The following ARHGAP44 variants were observed in gnomAD, a reference collection of about 807,000 sequenced individuals.
ARHGAP44 encodes rho GTPase-activating protein 44.
ARHGAP44 carries 43 observed loss-of-function variants against 106.8 expected under a neutral mutation model. The observed-to-expected ratio is 0.40, with a 90% CI of 0.32 to 0.52. The LOEUF is 0.52. Among genes scored for constraint, ARHGAP44 ranks in the 20% least tolerant of loss-of-function variants. The pLI is 0.48. For synonymous variants in ARHGAP44, 439 were observed against 410.3 expected (o/e 1.07, Z -0.85); for missense variants, 866 against 1,050.5 (o/e 0.82, Z 2.43).
chr17:12,792,416 C>T (rs2033792305), intron 1 of ARHGAP44, among the ~76,000 whole-genome samples: 1 of 151,490 alleles, frequency 6.6e-6, no homozygotes, highest in Non-Finnish European at 1.5e-5. Flanking sequence ...GCCGTTTAGA[C>T]TACTGACTCT....
intron 16 of ARHGAP44, among the ~76,000 whole-genome samples, chr17:12,968,936 A>C (rs1227711199): frequency 6.6e-6 from 1 of 151,738 alleles, no homozygotes; most frequent in Admixed American, 6.6e-5. Flanking sequence ...CGCCCGGCTA[A>C]TTGTTTGTAT....
At chr17:12,916,573 C>T (rs371042860) in intron 5 of ARHGAP44, among the ~76,000 whole-genome samples, 15 of 152,080 alleles carry the variant, frequency 9.9e-5, no homozygotes, top group Admixed American at 3.3e-4. Context: ...TTAGTAGAGA[C>T]GGGGTTTCAC....
chr17:12,879,347 A>AT (rs2036649531), intron 1 of ARHGAP44, among the ~76,000 whole-genome samples: 1 of 152,042 alleles, frequency 6.6e-6, no homozygotes, highest in South Asian at 2.1e-4. Context: ...TGTATATCAC[A>AT]TTTTCTTTAT....
At chr17:12,850,960 G>A (rs1454310022) in intron 1 of ARHGAP44, among the ~76,000 whole-genome samples, 1 of 152,186 alleles carries the variant, frequency 6.6e-6, no homozygotes, top group Non-Finnish European at 1.5e-5. Flanking sequence ...TACTTCCCAC[G>A]TTGACTTTGA....
intron 1 of ARHGAP44, among the ~76,000 whole-genome samples, chr17:12,836,356 A>G (rs1354669157): frequency 6.6e-6 from 1 of 152,314 alleles, no homozygotes; most frequent in Non-Finnish European, 1.5e-5. Context: ...ACAGAGATAA[A>G]GAGAGACATG....
In ARHGAP44 at chr17:12,990,158, G is replaced by A; in HGVS notation, c.2444G>A (p.Ser815Asn). 1.9e-6 allele frequency: 3 copies of A among 1,612,248 alleles called. No individual in the cohort carries two copies. The highest frequency in any genetic ancestry group is 2.5e-6 in the Non-Finnish European group (3 of 1,178,456). Residue 815 changes from serine (S) to asparagine (N), a missense_variant, in exon 21 of 21, where the codon AGC (serine) becomes AAC (asparagine). Physicochemically the swap from Ser to Asn is conservative, Grantham distance 46. Coordinates refer to ENST00000379672, the MANE Select transcript of ARHGAP44 (RefSeq NM_014859.6). ...AGGGACTCGGAGGAGGAGTCTGAGA[G>A]CACCGCCCTCTGACATGACACCGCC... ...DKRDSEEESE[S>N]TAL
intron 1 of ARHGAP44, among the ~76,000 whole-genome samples, chr17:12,889,662 A>G (rs567850782): frequency 2.0e-5 from 3 of 152,252 alleles, no homozygotes; most frequent in South Asian, 2.1e-4. Context: ...CTCCATCTCA[A>G]TAGCCCCAGA....
chr17:12,977,035 C>A (rs1452376182), intron 18 of ARHGAP44, among the ~76,000 whole-genome samples: 1 of 151,818 alleles, frequency 6.6e-6, no homozygotes, highest in Admixed American at 6.6e-5. Context: ...AAGATGGATT[C>A]CCCCAGGCTC....
At chr17:12,955,078 T>G (rs1173730497) in intron 13 of ARHGAP44, among the ~76,000 whole-genome samples, 1 of 152,230 alleles carries the variant, frequency 6.6e-6, no homozygotes, top group Non-Finnish European at 1.5e-5. Flanking sequence ...ATCTGCCTAT[T>G]CTAGGCATTT....
At chr17:12,803,151 T>C (rs1157180785) in intron 1 of ARHGAP44, among the ~76,000 whole-genome samples, 1 of 151,148 alleles carries the variant, frequency 6.6e-6, no homozygotes, top group Non-Finnish European at 1.5e-5. Flanking sequence ...TTTGTATTTT[T>C]AGTAGAGACA....
chr17:12,951,195 T>G (rs1292377049), intron 12 of ARHGAP44, among the ~76,000 whole-genome samples: 1 of 152,238 alleles, frequency 6.6e-6, no homozygotes, highest in East Asian at 1.9e-4. Flanking sequence ...ATTAGAGACT[T>G]GACATTGTTT....
At chr17:12,864,836 C>T (rs1294207416) in intron 1 of ARHGAP44, among the ~76,000 whole-genome samples, 1 of 151,974 alleles carries the variant, frequency 6.6e-6, no homozygotes, top group African/African-American at 2.4e-5. Flanking sequence ...CTATTTTTTT[C>T]AGATGTGCTA....
At chr17:12,897,622 A>T (rs1031055586) in intron 3 of ARHGAP44, among the ~76,000 whole-genome samples, 4 of 150,718 alleles carry the variant, frequency 2.7e-5, no homozygotes, top group African/African-American at 9.8e-5. Flanking sequence ...TGGGCATGAA[A>T]CCCTTTTATC....
chr17:12,840,628 G>A (rs1238844942), intron 1 of ARHGAP44, among the ~76,000 whole-genome samples: 1 of 151,028 alleles, frequency 6.6e-6, no homozygotes, highest in African/African-American at 2.5e-5. Context: ...CATCTGGGCT[G>A]AGGAGGTAGA....
intron 18 of ARHGAP44, among the ~76,000 whole-genome samples, chr17:12,977,180 CG>C (rs920612495): frequency 1.3e-5 from 2 of 151,912 alleles, no homozygotes; most frequent in Non-Finnish European, 2.9e-5. Context: ...CCCCTTTGCC[CG>C]GGCTGACCGG....
At chr17:12,932,835 A>G (rs527954092) in intron 7 of ARHGAP44, among the ~76,000 whole-genome samples, 1 of 152,144 alleles carries the variant, frequency 6.6e-6, no homozygotes, top group Non-Finnish European at 1.5e-5. Context: ...ATGTTTCATT[A>G]ATCTGTTTGC....
chr17:12,881,116 C>CT (rs1471858396), intron 1 of ARHGAP44, among the ~76,000 whole-genome samples: 1 of 150,730 alleles, frequency 6.6e-6, no homozygotes, highest in Non-Finnish European at 1.5e-5. Context: ...TTATATATGT[C>CT]TTTTTTCTAG....
intron 4 of ARHGAP44, among the ~76,000 whole-genome samples, chr17:12,914,212 T>C (rs1409240966): frequency 6.6e-6 from 1 of 152,122 alleles, no homozygotes; most frequent in Non-Finnish European, 1.5e-5. Flanking sequence ...GAATGTAAAT[T>C]AAAACCAGAA....
intron 20 of ARHGAP44, 51 bp downstream of exon 20, chr17:12,984,959 G>A (rs775158516): frequency 3.0e-5 from 47 of 1,545,210 alleles, no homozygotes; most frequent in Non-Finnish European, 3.9e-5. Flanking sequence ...TTAGTGAAAT[G>A]TGCCTAGGGG....
Sources: gnomAD v4.1 joint callset for allele counts (sites outside exome capture counted in the v4.1 genomes callset) on GRCh38, gnomAD v4.1.1 for gene constraint, MANE v1.5 for transcripts, NCBI Gene and HGNC (gene_info 2026-07-23, HGNC 2026-07-21) for gene names.